Variants in MAML3 observed in about 807,000 individuals in gnomAD.
MAML3 encodes mastermind like transcriptional coactivator 3.
MAML3 carries 27 observed loss-of-function variants against 101.9 expected under a neutral mutation model. The ratio of observed to expected loss-of-function variants is 0.27; its 90% CI spans 0.20 to 0.37. MAML3 has a LOEUF of 0.37. Among genes scored for constraint, MAML3 ranks in the 10% least tolerant of loss-of-function variants. MAML3 has a pLI of 1.00. For synonymous variants in MAML3, 501 were observed against 555.9 expected (o/e 0.90, Z 1.39); for missense variants, 1,316 against 1,444.9 (o/e 0.91, Z 1.45).
chr4:140,111,978 TTGGTTC>T (rs1728446098), intron 1 of MAML3, among the ~76,000 whole-genome samples: 2 of 152,184 alleles, frequency 1.3e-5, no homozygotes, highest in Admixed American at 6.5e-5. Flanking sequence ...AGACTGACCC[TTGGTTC>T]TGGTTCATCT....
intron 1 of MAML3, among the ~76,000 whole-genome samples, chr4:140,100,189 G>C (rs561785050): frequency 6.6e-6 from 1 of 152,116 alleles, no homozygotes; most frequent in South Asian, 2.1e-4. Context: ...AGAGATCACT[G>C]TCTCCTTCAA....
intron 1 of MAML3, among the ~76,000 whole-genome samples, chr4:140,117,133 G>T (rs1164001758): frequency 1.3e-5 from 2 of 152,094 alleles, no homozygotes; most frequent in African/African-American, 4.8e-5. Context: ...TACCCTTAGT[G>T]TGATCTGGGG....
intron 2 of MAML3, among the ~76,000 whole-genome samples, chr4:139,763,637 C>A (rs926318500): frequency 6.6e-6 from 1 of 152,162 alleles, no homozygotes; most frequent in African/African-American, 2.4e-5. Context: ...GTTGATGCTG[C>A]CCCTGTTTAT....
At chr4:139,874,236 T>C (rs1578641278) in intron 2 of MAML3, among the ~76,000 whole-genome samples, 1 of 152,164 alleles carries the variant, frequency 6.6e-6, no homozygotes, top group East Asian at 1.9e-4. Context: ...AGTGGCTAGA[T>C]TATGTCTTGA....
At chr4:140,060,455 A>T in intron 1 of MAML3, among the ~76,000 whole-genome samples, 1 of 150,906 alleles carries the variant, frequency 6.6e-6, no homozygotes, top group Non-Finnish European at 1.5e-5. Flanking sequence ...TTAACCCCCA[A>T]TATGCTTCCC....
chr4:140,069,401 GGAGGAGGAGGAGGAGGAGGGGAAGGAGGA>G (rs1727596209), intron 1 of MAML3, among the ~76,000 whole-genome samples: 1 of 111,450 alleles, frequency 9.0e-6, no homozygotes, highest in Non-Finnish European at 1.9e-5. Flanking sequence ...AGGAGGAGGA[GGAGGAGGAGGAGGAGGAGGGGAAGGAGGA>G]GAAGGAGGAG....
intron 1 of MAML3, among the ~76,000 whole-genome samples, chr4:140,151,280 C>T (rs1729161830): frequency 1.3e-5 from 2 of 151,608 alleles, no homozygotes; most frequent in Admixed American, 1.3e-4. Flanking sequence ...ATCGCGCCGA[C>T]CTGGGAGGGG....
intron 1 of MAML3, among the ~76,000 whole-genome samples, chr4:139,978,879 G>C (rs1015963627): frequency 6.6e-6 from 1 of 152,096 alleles, no homozygotes; most frequent in African/African-American, 2.4e-5. Flanking sequence ...TCCATTTCCA[G>C]ATGGCACTGA....
intron 2 of MAML3, among the ~76,000 whole-genome samples, chr4:139,805,374 A>G (rs572306915): frequency 3.2e-4 from 49 of 152,332 alleles, no homozygotes; most frequent in African/African-American, 1.1e-3. Context: ...TAGTTTTCAG[A>G]TAGAAATTAT....
intron 1 of MAML3, among the ~76,000 whole-genome samples, chr4:140,121,732 A>T (rs1728608943): frequency 6.6e-6 from 1 of 152,280 alleles, no homozygotes; most frequent in African/African-American, 2.4e-5. Context: ...GGAACTATTT[A>T]TCTAAAGAAA....
At chr4:140,103,676 G>C (rs1283723281) in intron 1 of MAML3, among the ~76,000 whole-genome samples, 1 of 152,150 alleles carries the variant, frequency 6.6e-6, no homozygotes, top group Admixed American at 6.5e-5. Flanking sequence ...AATCAAAATG[G>C]TTTTTCTATG....
At chr4:139,956,261 T>A (rs578158552) in intron 1 of MAML3, among the ~76,000 whole-genome samples, 2 of 152,330 alleles carry the variant, frequency 1.3e-5, no homozygotes, top group Non-Finnish European at 2.9e-5. Context: ...GTAAGTCAAC[T>A]CTAGATGTAA....
chr4:139,918,946 A>C (rs1391141467), intron 1 of MAML3, among the ~76,000 whole-genome samples: 1 of 152,188 alleles, frequency 6.6e-6, no homozygotes, highest in Non-Finnish European at 1.5e-5. Context: ...CACAAATGTA[A>C]TTTAAAGCCA....
intron 2 of MAML3, among the ~76,000 whole-genome samples, chr4:139,864,798 A>G (rs1344142691): frequency 6.6e-6 from 1 of 151,464 alleles, no homozygotes; most frequent in Non-Finnish European, 1.5e-5. Context: ...TGGGAGCAAG[A>G]GGGACAATGT....
chr4:139,803,473 T>C (rs1285575985), intron 2 of MAML3, among the ~76,000 whole-genome samples: 1 of 152,208 alleles, frequency 6.6e-6, no homozygotes. Flanking sequence ...CATAGGATCA[T>C]AGAGAACTTC....
intron 1 of MAML3, among the ~76,000 whole-genome samples, chr4:140,083,347 G>A (rs1272341663): frequency 6.6e-6 from 1 of 152,176 alleles, no homozygotes; most frequent in East Asian, 1.9e-4. Flanking sequence ...CTAATACATG[G>A]TTGCTGCTCT....
Position 139,953,167 on chromosome 4 carries a change from C to T in MAML3, c.469-62200G>A, listed in dbSNP as rs536944747. ...CATATACACTTCTATATGCTTGAGA[C>T]GTCTCTGGAAGAAAACGCTAGAAAA... On this transcript the variant is annotated intron_variant, in intron 1 of 4. Transcript: ENST00000509479. 2.6e-5 allele frequency among the ~76,000 whole-genome samples: 4 copies of T among 152,272 alleles called. No individual in the cohort carries two copies. The East Asian group carries it at 7.7e-4, about 29-fold the overall frequency.
chr4:139,937,133 T>C (rs965261468), intron 1 of MAML3, among the ~76,000 whole-genome samples: 2 of 152,244 alleles, frequency 1.3e-5, no homozygotes, highest in Non-Finnish European at 2.9e-5. Context: ...TTCTAAAAGA[T>C]ACACTCAAAT....
intron 2 of MAML3, among the ~76,000 whole-genome samples, chr4:139,788,412 G>C (rs1730344300): frequency 6.6e-6 from 1 of 152,076 alleles, no homozygotes; most frequent in Non-Finnish European, 1.5e-5. Flanking sequence ...TCTTATCTTA[G>C]ATACCAAGAG....
Sources: gnomAD v4.1 joint callset for allele counts (sites outside exome capture counted in the v4.1 genomes callset) on GRCh38, gnomAD v4.1.1 for gene constraint, MANE v1.5 for transcripts, NCBI Gene and HGNC (gene_info 2026-07-23, HGNC 2026-07-21) for gene names.